Variants in SLC49A3 observed in about 807,000 individuals in gnomAD.
SLC49A3 encodes the protein solute carrier family 49 member A3.
SLC49A3 carries 50 observed loss-of-function variants against 43.8 expected under a neutral mutation model. The observed-to-expected ratio is 1.14, with a 90% CI of 0.91 to 1.45. The LOEUF is 1.45. Ranked by LOEUF, SLC49A3 falls within the 40% of genes most tolerant of loss-of-function variation. The pLI is 0.00. For missense variants in SLC49A3, 906 were observed against 774.1 expected (o/e 1.17, Z -2.02); for synonymous variants, 413 against 352.0 (o/e 1.17, Z -1.94).
At chr4:679,873 GCAACAA>G, downstream of SLC49A3, 1 of 1,579,698 alleles carries the variant, frequency 6.3e-7, no homozygotes. Context: ...CACAGGGCAG[GCAACAA>G]GCCCTGCCCT....
At position 683,606 on chromosome 4, in the gene SLC49A3, C is replaced by G. The variant is rs2109405959; in HGVS notation, c.993+3G>C. The stretch of plus-strand genomic sequence containing the variant: ...GGCAGTCTTGGCTTGAGGAGACCCT[C>G]ACCAGGGCAAAGGGCACGCAGGCCA... On this transcript the variant is annotated splice_donor_region_variant and intron_variant, in intron 7 of 9. Transcript: ENST00000322224. 3 of 1,608,320 alleles carry G rather than the reference C, an allele frequency of 1.9e-6. No homozygotes were observed. Among genetic ancestry groups the G allele is most frequent in the Non-Finnish European group, 2.5e-6 (3 of 1,177,796 alleles).
rs752227745 is a variant in SLC49A3, at chr4:686,132, G to A, written c.465C>T (p.Phe155=). 1.2e-6 allele frequency: 2 copies of A among 1,613,074 alleles called. No individual in the cohort carries two copies. The highest frequency in any genetic ancestry group is 1.3e-5 in the African/African-American group (1 of 74,936). The part of the protein sequence containing the change: ...FSPAKLAALW[F]PEHQRATANM... ...TGGCCGTGGCTCGCTGGTGCTCTGG[G>A]AACCACAAGGCAGCCAGCTTGGCTG... The change falls in exon 3 of 10, where the codon TTC becomes TTT. Residue 155 remains phenylalanine, a synonymous_variant. Coordinates refer to ENST00000322224, the MANE Select transcript of SLC49A3 (RefSeq NM_032219.4).
chr4:678,596 G>C, downstream of SLC49A3: 1 of 1,550,986 alleles, frequency 6.4e-7, no homozygotes, highest in Non-Finnish European at 8.7e-7. Context: ...TCAAAACTCT[G>C]GGTGCCCTGG....
upstream of SLC49A3, among the ~76,000 whole-genome samples, chr4:691,620 G>GA (rs553636423): frequency 2.1e-4 from 32 of 149,816 alleles, 2 homozygotes; most frequent in Middle Eastern, 0.032. Flanking sequence ...ATAAAACAAG[G>GA]AAAAAAAAAC....
At chr4:690,702 G>C (rs1741809314), upstream of SLC49A3, among the ~76,000 whole-genome samples, 1 of 152,214 alleles carries the variant, frequency 6.6e-6, no homozygotes. Context: ...CATTGTCGAG[G>C]GGTGTCACCA....
At chr4:684,100 G>C (rs1365292302) in intron 6 of SLC49A3, among the ~76,000 whole-genome samples, 1 of 152,232 alleles carries the variant, frequency 6.6e-6, no homozygotes, top group Non-Finnish European at 1.5e-5. Flanking sequence ...GGCCAGCTCG[G>C]AGATATGCGA....
At chr4:688,788 A>T in intron 1 of SLC49A3, 1 of 713,732 alleles carries the variant, frequency 1.4e-6, no homozygotes, top group Non-Finnish European at 2.1e-6. Context: ...CCCCCGGGGC[A>T]CCCAGCCCTG....
chr4:682,046 C>G lies in SLC49A3; in HGVS notation c.1592G>C (p.Gly531Ala). ...PAATDAPSRPGRLAGRVQASR... is the reference protein window; with the variant it reads ...PAATDAPSRPARLAGRVQASR... ...CGCTTGGACCCTGCCTGCGAGTCTGCCGGGGCGGGAGGGCGCGTCGGTGGC... is the reference window on the plus strand; with the variant it reads ...CGCTTGGACCCTGCCTGCGAGTCTGGCGGGGCGGGAGGGCGCGTCGGTGGC... Residue 531 changes from glycine to alanine, a missense_variant, in exon 10 of 10, where the codon GGC becomes GCC. Gly to Ala is a moderately conservative substitution (Grantham distance 60). Coordinates refer to ENST00000322224, the MANE Select transcript of SLC49A3 (RefSeq NM_032219.4). 7.0e-7 allele frequency: 1 copy of G among 1,418,900 alleles called. No homozygotes were observed. Among genetic ancestry groups the G allele is most frequent in the Non-Finnish European group, 9.3e-7 (1 of 1,074,034 alleles). The allele number at this position is 1,418,900 out of a possible 1,614,324, so 87.9% of individuals were successfully genotyped here.
rs1479791474 is a variant in SLC49A3, at chr4:685,568, T to C, written c.585+267A>G. Among the ~76,000 whole-genome samples the C allele has an allele frequency of 6.7e-6, 1 of 150,206 alleles. No individual in the cohort carries two copies. The highest frequency in any genetic ancestry group is 1.5e-5 in the Non-Finnish European group (1 of 67,714). On this transcript the variant is annotated intron_variant, in intron 4 of 9. Coordinates refer to ENST00000322224, the MANE Select transcript of SLC49A3 (RefSeq NM_032219.4). This position sits in a 1 kb window ranked among gnomAD's most constrained non-coding sequence, Gnocchi z 4.3. ...CAAAAAAAAAAAAATTAGCCAAGCATGGTGGCGCACGCCTGTAGTCCCAGC... is the reference window on the plus strand; with the variant it reads ...CAAAAAAAAAAAAATTAGCCAAGCACGGTGGCGCACGCCTGTAGTCCCAGC...
At position 681,856 on chromosome 4, in the gene SLC49A3, CGGAGCCCGCAA is replaced by C; in HGVS notation, c.*91_*101del. ...CAGGTGCGCGCTTGTAATTCGCTCC[CGGAGCCCGCAA>C]GGAGCCCTTTCGCCCCCGCCCGCAG... is the stretch of plus-strand genomic sequence containing the variant. On this transcript the variant is annotated 3_prime_UTR_variant, in exon 10 of 10. Transcript: ENST00000322224. 7.7e-7 allele frequency: 1 copy of C among 1,305,598 alleles called. No individual in the cohort carries two copies. The highest frequency in any genetic ancestry group is 9.8e-7 in the Non-Finnish European group (1 of 1,019,006). 80.9% of individuals were successfully genotyped at this position (1,305,598 alleles called of 1,614,324 possible).
downstream of SLC49A3, among the ~76,000 whole-genome samples, chr4:679,702 C>T (rs146572235): frequency 0.012 from 1,827 of 152,320 alleles, 11 homozygotes; most frequent in Non-Finnish European, 0.018. Flanking sequence ...CTCCCTCTCC[C>T]TCAGCACTTA....
At chr4:679,089 C>T, downstream of SLC49A3, 3 of 1,421,722 alleles carry the variant, frequency 2.1e-6, no homozygotes, top group Non-Finnish European at 2.9e-6. Context: ...CACAGAGGTC[C>T]TCCAGCTCCA....
At chr4:683,566 C>A in intron 7 of SLC49A3, 43 bp downstream of exon 7, 1 of 1,576,444 alleles carries the variant, frequency 6.3e-7, no homozygotes, top group South Asian at 1.2e-5. Context: ...CCTCACCACC[C>A]ACCCACCCCC....
chr4:682,278 C>A lies in SLC49A3; in HGVS notation c.1360G>T (p.Glu454Ter). ...ACGGCGTTACGGGTGGAGGGGGGCT[C>A]CCCAGACTCGGCCTGCAGGCGCCGG... ...PYRRLQAESG[E>*]PPSTRNAVGG... The change falls in exon 10 of 10, where the codon GAG becomes TAG. Residue 454 changes from glutamate (E) to a stop codon, truncating the protein, a stop_gained. Transcript: ENST00000322224. LOFTEE classifies it low-confidence loss of function (END_TRUNC). 1 of 1,356,638 alleles carries A rather than the reference C, an allele frequency of 7.4e-7. No homozygotes were observed. The allele number at this position is 1,356,638 out of a possible 1,614,324, so 84.0% of individuals were successfully genotyped here.
chr4:678,909 C>G, downstream of SLC49A3: 1 of 1,610,758 alleles, frequency 6.2e-7, no homozygotes, highest in Non-Finnish European at 8.5e-7. Flanking sequence ...GGGGGCGGGG[C>G]AGAGCCCAGC....
At chr4:681,672 C>G (rs1215678365), downstream of SLC49A3, among the ~76,000 whole-genome samples, 4 of 43,682 alleles carry the variant, frequency 9.2e-5, no homozygotes, top group South Asian at 1.0e-3. Context: ...CCCGCCCCCT[C>G]CAGCGCCGCC....
chr4:684,811 T>A lies in SLC49A3; in HGVS notation c.631A>T (p.Thr211Ser). ...IPAGVVCLLS[T>S]ICLWESVPPT... ...GGCACACTCTCCCACAGGCAGATGGTGGACAGCAGGCAGACGACGCCAGCA... is the reference window on the plus strand; with the variant it reads ...GGCACACTCTCCCACAGGCAGATGGAGGACAGCAGGCAGACGACGCCAGCA... The change falls in exon 5 of 10, where the codon ACC becomes TCC. Residue 211 changes from threonine (T) to serine (S), a missense_variant. Physicochemically the swap from Thr to Ser is moderately conservative, Grantham distance 58. Coordinates refer to ENST00000322224, the MANE Select transcript of SLC49A3 (RefSeq NM_032219.4). The A allele has an allele frequency of 1.2e-6, 2 of 1,612,398 alleles. No individual in the cohort carries two copies. Among genetic ancestry groups the A allele is most frequent in the Non-Finnish European group, 1.7e-6 (2 of 1,179,862 alleles).
At chr4:680,556 C>T (rs988622311), downstream of SLC49A3, 1 of 1,613,518 alleles carries the variant, frequency 6.2e-7, no homozygotes, top group Non-Finnish European at 8.5e-7. Flanking sequence ...GATGCTGGAC[C>T]CGGACGGGAA....
downstream of SLC49A3, chr4:681,081 C>T (rs773017484): frequency 2.5e-6 from 4 of 1,596,502 alleles, no homozygotes; most frequent in Middle Eastern, 3.3e-4. Context: ...GACCCCTTTC[C>T]TCGTCCTCAG....
Sources: gnomAD v4.1 joint callset for allele counts (sites outside exome capture counted in the v4.1 genomes callset) on GRCh38, gnomAD v4.1.1 for gene constraint, Gnocchi (gnomAD v3.1) non-coding constraint, MANE v1.5 for transcripts, NCBI Gene and HGNC (gene_info 2026-07-23, HGNC 2026-07-21) for gene names.